ANK1: variants seen among roughly 807,000 people sequenced by gnomAD.
ANK1 encodes ankyrin 1, also known as ankyrin-1.
In ANK1, 51 loss-of-function variants were observed where a neutral mutation model predicts 210.4. That is an observed-to-expected ratio of 0.24 (90% CI 0.19 to 0.31). The LOEUF is 0.31. Among genes scored for constraint, ANK1 ranks in the 10% least tolerant of loss-of-function variants. The probability of loss-of-function intolerance (pLI) is 1.00; values close to 1 mark genes in which losing one functional copy is unlikely to be tolerated. For missense variants in ANK1, 2,051 were observed against 2,504.4 expected, an observed-to-expected ratio of 0.82 and a Z score of 3.86; for synonymous variants, 967 against 1,025.9, an observed-to-expected ratio of 0.94 and a Z score of 1.10.
At chr8:41,811,523 C>T (rs1001903249) in intron 1 of ANK1, among the ~76,000 whole-genome samples, 4 of 97,550 alleles carry the variant, frequency 4.1e-5, no homozygotes, top group Admixed American at 1.1e-4. Flanking sequence ...CAGCCCCATT[C>T]GGAATAAACC....
At position 41,692,838 on chromosome 8, in the gene ANK1, A is replaced by G. The variant is rs185516533; in HGVS notation, c.3668T>C (p.Val1223Ala). Residue 1223 changes from valine to alanine, a missense_variant, in exon 31 of 43, where the codon GTG (valine) becomes GCG (alanine). By Grantham distance (64) the Val-to-Ala change is moderately conservative. Around this residue, in one of 6 missense-constraint regions of ANK1, gnomAD observed 1,413 missense variants for 1,707.4 expected, o/e 0.83. Transcript: ENST00000289734. ...LSDCPRTAEA[V>A]NFATLLYKEL... The stretch of plus-strand genomic sequence containing the variant: ...TTTGTACAGCAGGGTGGCAAAGTTC[A>G]CAGCCTCAGCAGTCCGAGGACAGTC... 469 of 1,614,122 alleles carry G rather than the reference A, an allele frequency of 2.9e-4. 3 individuals are homozygous for G. In the East Asian group the frequency reaches 8.2e-3, roughly 28 times the overall value.
chr8:41,785,713 C>G (rs990381327), intron 1 of ANK1, among the ~76,000 whole-genome samples: 14 of 152,240 alleles, frequency 9.2e-5, no homozygotes, highest in African/African-American at 3.4e-4. Context: ...CCTGGGCCTT[C>G]CCGCAGGAGT....
intron 13 of ANK1, 65 bp downstream of exon 13, chr8:41,716,888 G>A (rs1827824065): frequency 2.0e-6 from 3 of 1,520,288 alleles, no homozygotes; most frequent in Non-Finnish European, 1.8e-6. Flanking sequence ...ATGAGGATGG[G>A]TTCTCTGCAC....
In ANK1 at chr8:41,714,212, G is replaced by A; in HGVS notation, c.1744C>T (p.Leu582=). The part of the protein sequence containing the change: ...PLHVAVHHNN[L]DIVKLLLPRG... ...GGAAGCAGCAGCTTGACGATGTCCA[G>A]GTTGTTGTGATGGACGGCCACGTGC... is the stretch of plus-strand genomic sequence containing the variant. Residue 582 remains leucine, a synonymous_variant, in exon 16 of 43, where the codon CTG becomes TTG. Coordinates refer to ENST00000289734, the MANE Select transcript of ANK1 (RefSeq NM_000037.4). The A allele has an allele frequency of 1.3e-6, 2 of 1,529,886 alleles. No individual in the cohort carries two copies. Among genetic ancestry groups the A allele is most frequent in the Non-Finnish European group, 1.8e-6 (2 of 1,128,120 alleles). 94.8% of individuals were successfully genotyped at this position (1,529,886 alleles called of 1,614,324 possible). A position where few individuals can be genotyped will look rare whatever the true frequency, so the allele number is the denominator to read the frequency against.
intron 1 of ANK1, among the ~76,000 whole-genome samples, chr8:41,794,188 G>A (rs1342569679): frequency 6.6e-6 from 1 of 152,204 alleles, no homozygotes; most frequent in Non-Finnish European, 1.5e-5. Context: ...GCTCAAGGCA[G>A]AAGTAAAATC....
chr8:41,664,997 C>G (rs1809963405), intron 39 of ANK1: 1 of 1,613,970 alleles, frequency 6.2e-7, no homozygotes, highest in Non-Finnish European at 8.5e-7. Context: ...CCAGCGTGAC[C>G]AACAGCTGGG....
intron 1 of ANK1, among the ~76,000 whole-genome samples, chr8:41,870,157 G>A (rs1203261115): frequency 2.0e-5 from 3 of 152,054 alleles, no homozygotes; most frequent in Non-Finnish European, 4.4e-5. Flanking sequence ...TGCCCCGAAT[G>A]AAATGAAATG....
At chr8:41,786,742 G>A (rs1846490399) in intron 1 of ANK1, among the ~76,000 whole-genome samples, 2 of 152,260 alleles carry the variant, frequency 1.3e-5, no homozygotes, top group South Asian at 4.2e-4. Context: ...CTGAAAACAA[G>A]TGAATATTCA....
intron 1 of ANK1, among the ~76,000 whole-genome samples, chr8:41,765,529 G>A (rs1010359494): frequency 4.6e-5 from 7 of 152,076 alleles, no homozygotes; most frequent in African/African-American, 1.2e-4. Flanking sequence ...TTACAAGCAT[G>A]CGCCACTGTG....
At chr8:41,852,289 T>C (rs944716605) in intron 1 of ANK1, among the ~76,000 whole-genome samples, 1 of 152,202 alleles carries the variant, frequency 6.6e-6, no homozygotes, top group Non-Finnish European at 1.5e-5. Context: ...ATAAAGGGCC[T>C]GGCCCGCCCT....
intron 4 of ANK1, 121 bp from the exon 5 acceptor site, chr8:41,727,469 C>T: frequency 2.6e-6 from 2 of 766,316 alleles, no homozygotes; most frequent in Non-Finnish European, 4.5e-6. Flanking sequence ...CCCACCTGAC[C>T]CCTCCTAAGG....
chr8:41,690,692 A>T (rs1439298659), intron 31 of ANK1, 93 bp from the exon 32 acceptor site: 1 of 1,533,130 alleles, frequency 6.5e-7, no homozygotes, highest in Non-Finnish European at 8.9e-7. Flanking sequence ...TCCAAGACAC[A>T]CCCTGCCTCA....
At chr8:41,817,796 A>T (rs1235980088) in intron 1 of ANK1, among the ~76,000 whole-genome samples, 2 of 152,240 alleles carry the variant, frequency 1.3e-5, no homozygotes, top group Non-Finnish European at 2.9e-5. Context: ...ACCAAAACAA[A>T]CATGCTTTTC....
At chr8:41,732,304 G>T (rs1832371156) in intron 3 of ANK1, among the ~76,000 whole-genome samples, 3 of 152,148 alleles carry the variant, frequency 2.0e-5, no homozygotes, top group Non-Finnish European at 2.9e-5. Context: ...TAGGGGGAAA[G>T]AACTCCAGAA....
intron 1 of ANK1, among the ~76,000 whole-genome samples, chr8:41,822,110 G>GAAAGAA (rs1804460705): frequency 8.8e-5 from 3 of 33,946 alleles, no homozygotes; most frequent in Non-Finnish European, 1.3e-4. Flanking sequence ...GAGAGAGAGA[G>GAAAGAA]AGAGAAAGAA....
In ANK1 at chr8:41,797,450, G is replaced by A. The variant is rs1848968152; in HGVS notation, c.27+62C>T. 1.3e-6 allele frequency: 2 copies of A among 1,489,258 alleles called. No homozygotes were observed. Among genetic ancestry groups the A allele is most frequent in the Non-Finnish European group, 9.2e-7 (1 of 1,082,410 alleles). 92.3% of individuals were successfully genotyped at this position (1,489,258 alleles called of 1,614,324 possible). Reference sequence around the variant, plus strand: ...TCTTGCTCGCGTGCTGCCTACTGGCGCGGCCTGGGTGGCCCCCTCCTGACA... The same window carrying A: ...TCTTGCTCGCGTGCTGCCTACTGGCACGGCCTGGGTGGCCCCCTCCTGACA... On this transcript the variant is annotated intron_variant, in intron 1 of 42. Transcript: ENST00000289734. The surrounding 1 kb of genome is among the most constrained non-coding windows in gnomAD (Gnocchi z 4.0).
intron 33 of ANK1, 81 bp downstream of exon 33, chr8:41,690,146 G>A: frequency 6.3e-7 from 1 of 1,598,398 alleles, no homozygotes; most frequent in Non-Finnish European, 8.6e-7. Context: ...CCCCTTGGAA[G>A]TGCTGGACCT....
At chr8:41,799,785 G>C (rs763862766), upstream of ANK1, among the ~76,000 whole-genome samples, 2 of 152,122 alleles carry the variant, frequency 1.3e-5, no homozygotes, top group Non-Finnish European at 2.9e-5. Context: ...GGAAGCGGAG[G>C]AAAAGGCCAG....
intron 1 of ANK1, among the ~76,000 whole-genome samples, chr8:41,771,106 A>G (rs956008952): frequency 6.6e-6 from 1 of 152,246 alleles, no homozygotes; most frequent in African/African-American, 2.4e-5. Flanking sequence ...CATGAGTCAT[A>G]AAGAAACTGT....
Sources: allele counts gnomAD v4.1 joint callset (sites outside exome capture counted in the v4.1 genomes callset), GRCh38; gene constraint gnomAD v4.1.1; regional missense constraint gnomAD v4.1.1; non-coding constraint Gnocchi (gnomAD v3.1); transcripts MANE v1.5; gene names NCBI Gene and HGNC (gene_info 2026-07-23, HGNC 2026-07-21).